The following CEP63 variants were observed in gnomAD, a reference collection of about 807,000 sequenced individuals.
CEP63 encodes centrosomal protein of 63 kDa.
A neutral mutation model predicts 89.1 loss-of-function variants in CEP63; 84 were observed. The ratio of observed to expected loss-of-function variants is 0.94; its 90% CI spans 0.79 to 1.13. The LOEUF is 1.13. Ranked by LOEUF, CEP63 falls within the 50% of genes most tolerant of loss-of-function variation. CEP63 has a pLI of 0.00. For synonymous variants in CEP63, 267 were observed against 272.5 expected (o/e 0.98, Z 0.20); for missense variants, 838 against 813.3 (o/e 1.03, Z -0.37).
At chr3:134,552,104 C>T in intron 12 of CEP63, 92 bp downstream of exon 12, 1 of 696,818 alleles carries the variant, frequency 1.4e-6, no homozygotes, top group Non-Finnish European at 2.4e-6. Context: ...GAATTAAGAT[C>T]AACTTAGATC....
the CEP63 span, among the ~76,000 whole-genome samples, chr3:134,768,131 T>C: frequency 6.6e-6 from 1 of 152,088 alleles, no homozygotes. Context: ...AGGGCTTTTA[T>C]ACACTCAAGG....
chr3:134,690,747 T>C, the CEP63 span, among the ~76,000 whole-genome samples: 1 of 1,984 alleles, frequency 5.0e-4, no homozygotes, highest in Non-Finnish European at 6.7e-3. Flanking sequence ...ACCAAGATTT[T>C]TTTTTTTTTT....
the CEP63 span, chr3:134,610,149 C>T: frequency 6.4e-7 from 1 of 1,570,678 alleles, no homozygotes; most frequent in Admixed American, 1.8e-5. Flanking sequence ...GCACATCCTC[C>T]ACTTCCACCT....
the CEP63 span, among the ~76,000 whole-genome samples, chr3:134,645,242 G>A: frequency 5.3e-5 from 8 of 152,288 alleles, no homozygotes; most frequent in South Asian, 1.4e-3. Flanking sequence ...GTGAGGAGGC[G>A]GCTGGGCCCA....
At chr3:134,528,397 A>G (rs1231039720) in intron 3 of CEP63, among the ~76,000 whole-genome samples, 1 of 152,160 alleles carries the variant, frequency 6.6e-6, no homozygotes, top group Non-Finnish European at 1.5e-5. Flanking sequence ...CCTTGGTCAA[A>G]GAACTCTTTA....
At chr3:134,693,003 C>CAGGT in the CEP63 span, among the ~76,000 whole-genome samples, 1 of 152,214 alleles carries the variant, frequency 6.6e-6, no homozygotes, top group Non-Finnish European at 1.5e-5. Context: ...AGCTGTTATA[C>CAGGT]AGGTGCCTGG....
rs569477906 is a variant in CEP63 at position 134,544,151 on chromosome 3, G to A, written c.556-1435G>A. Among the ~76,000 whole-genome samples, 41 of 152,218 alleles carry A rather than the reference G, an allele frequency of 2.7e-4. 1 individual carries two copies. The highest frequency in any genetic ancestry group is 9.9e-4 in the African/African-American group (41 of 41,538). On this transcript the variant is annotated intron_variant, in intron 6 of 14. Coordinates refer to ENST00000675561, the MANE Select transcript of CEP63 (RefSeq NM_001353108.3). ...TGTAAATAATAAAATCTTTAAATCT[G>A]CAATAGATAGATTTCCCAGAGATAT...
chr3:134,492,228 C>T (rs1937879326), intron 1 of CEP63, among the ~76,000 whole-genome samples: 1 of 152,166 alleles, frequency 6.6e-6, no homozygotes, highest in South Asian at 2.1e-4. Flanking sequence ...CGCGCGCCAC[C>T]ATGCCCGGCT....
intron 8 of CEP63, 64 bp from the exon 9 acceptor site, chr3:134,547,271 A>G: frequency 1.4e-6 from 2 of 1,465,374 alleles, no homozygotes; most frequent in Non-Finnish European, 9.5e-7. Context: ...AACACAGACT[A>G]GATGAGCATT....
At chr3:134,782,558 C>T in the CEP63 span, among the ~76,000 whole-genome samples, 2 of 152,086 alleles carry the variant, frequency 1.3e-5, no homozygotes, top group Admixed American at 6.6e-5. Flanking sequence ...TTATACACTC[C>T]ACCCCACCTC....
the CEP63 span, among the ~76,000 whole-genome samples, chr3:134,654,439 A>C: frequency 6.6e-6 from 1 of 152,196 alleles, no homozygotes; most frequent in Non-Finnish European, 1.5e-5. Flanking sequence ...GGCTTTTGGC[A>C]GGGAATTTTC....
the CEP63 span, among the ~76,000 whole-genome samples, chr3:134,743,510 C>T: frequency 0.052 from 7,857 of 152,170 alleles, 267 homozygotes; most frequent in Non-Finnish European, 0.079. Context: ...GATGTTAGGG[C>T]TCATGGAACT....
chr3:134,526,262 A>T (rs1464205413), intron 3 of CEP63, among the ~76,000 whole-genome samples: 2 of 151,562 alleles, frequency 1.3e-5, no homozygotes, highest in African/African-American at 4.9e-5. Flanking sequence ...TTCTTGTGGC[A>T]TGTTTTTCAG....
chr3:134,495,302 A>G lies in CEP63; in HGVS notation c.-19A>G. 2 of 1,612,284 alleles carry G rather than the reference A, an allele frequency of 1.2e-6. No homozygotes were observed. The highest frequency in any genetic ancestry group is 1.7e-5 in the Admixed American group (1 of 60,016). ...ATATTTTTTTCTTTGTCAGTTGCCA[A>G]AACAAAGGGGATTTGGTGATGGAGG... On this transcript the variant is annotated 5_prime_UTR_variant, in exon 2 of 15. Transcript: ENST00000675561.
At chr3:134,587,097 C>T (rs1958500047) in intron 10 of CEP63, among the ~76,000 whole-genome samples, 1 of 152,106 alleles carries the variant, frequency 6.6e-6, no homozygotes, top group African/African-American at 2.4e-5. Context: ...TTCGTCTAAC[C>T]TTTTTTCAAG....
At chr3:134,767,413 G>A in the CEP63 span, among the ~76,000 whole-genome samples, 1 of 152,160 alleles carries the variant, frequency 6.6e-6, no homozygotes, top group South Asian at 2.1e-4. Flanking sequence ...TTGGGGAAAT[G>A]GAAAGTAAGT....
Position 134,510,853 on chromosome 3 carries a change from C to T in CEP63, c.222+3567C>T, listed in dbSNP as rs1016851788. On this transcript the variant is annotated intron_variant, in intron 3 of 14. Transcript: ENST00000675561. The stretch of plus-strand genomic sequence containing the variant: ...AAGTTTTCTTACAGCTGTATTAACT[C>T]CTTCAAGGAGAGCAGCAGACTCTTC... 2.3e-5 allele frequency: 6 copies of T among 257,306 alleles called. No homozygotes were observed. The South Asian group carries it at 2.8e-4, about 12-fold the overall frequency. The allele number at this position is 257,306 out of a possible 1,614,324, so 15.9% of individuals were successfully genotyped here. A position where few individuals can be genotyped will look rare whatever the true frequency, so the allele number is the denominator to read the frequency against.
At chr3:134,731,066 G>A in the CEP63 span, among the ~76,000 whole-genome samples, 2 of 152,078 alleles carry the variant, frequency 1.3e-5, no homozygotes, top group Non-Finnish European at 1.5e-5. Flanking sequence ...TTACTAGAAA[G>A]AGATAATCAT....
In CEP63 at chr3:134,549,167, G is replaced by A; in HGVS notation, c.1173G>A (p.Glu391=). The A allele has an allele frequency of 6.2e-7, 1 of 1,600,160 alleles. No homozygotes were observed. The highest frequency in any genetic ancestry group is 8.6e-7 in the Non-Finnish European group (1 of 1,167,414). The change falls in exon 10 of 15, where the codon GAG becomes GAA. Residue 391 remains glutamate (E), a synonymous_variant. Coordinates refer to ENST00000675561, the MANE Select transcript of CEP63 (RefSeq NM_001353108.3). ...MEAHNNEYKA[E]IKKLKEQILQ... Reference sequence around the variant, plus strand: ...CACATAACAATGAATACAAAGCAGAGATTAAGAAGGTAAAAATCTGCATAC... The same window carrying A: ...CACATAACAATGAATACAAAGCAGAAATTAAGAAGGTAAAAATCTGCATAC...
Sources: allele counts gnomAD v4.1 joint callset (sites outside exome capture counted in the v4.1 genomes callset), GRCh38; gene constraint gnomAD v4.1.1; transcripts MANE v1.5; gene names NCBI Gene and HGNC (gene_info 2026-07-23, HGNC 2026-07-21).